ARID2: variants seen among roughly 807,000 people sequenced by gnomAD.
ARID2 encodes the protein AT-rich interaction domain 2.
ARID2 carries 32 observed loss-of-function variants against 184.6 expected under a neutral mutation model. The observed-to-expected ratio is 0.17, with a 90% CI of 0.13 to 0.23. ARID2 has a LOEUF of 0.23. ARID2 is among the 10% of genes least tolerant of loss of function. The probability of loss-of-function intolerance (pLI) is 1.00; values close to 1 mark genes in which losing one functional copy is unlikely to be tolerated. For synonymous variants in ARID2, 836 were observed against 772.6 expected (o/e 1.08, Z -1.36); for missense variants, 1,696 against 2,197.6 (o/e 0.77, Z 4.56).
intron 3 of ARID2, among the ~76,000 whole-genome samples, chr12:45,773,579 T>C (rs1941918461): frequency 6.6e-6 from 1 of 150,990 alleles, no homozygotes; most frequent in Admixed American, 6.6e-5. Context: ...CTTACAGAAA[T>C]AAAAAGGAGT....
intron 3 of ARID2, among the ~76,000 whole-genome samples, chr12:45,769,344 C>T (rs1941827210): frequency 6.6e-6 from 1 of 152,040 alleles, no homozygotes; most frequent in African/African-American, 2.4e-5. Context: ...AATAAAGATA[C>T]AGAATTATTA....
chr12:45,824,259 A>T (rs1436329912), intron 6 of ARID2, among the ~76,000 whole-genome samples: 2 of 152,120 alleles, frequency 1.3e-5, no homozygotes, highest in African/African-American at 4.8e-5. Context: ...GAAAATTTTT[A>T]TCAAGAAGAA....
At chr12:45,750,437 G>A (rs1474835728) in intron 3 of ARID2, among the ~76,000 whole-genome samples, 1 of 152,228 alleles carries the variant, frequency 6.6e-6, no homozygotes, top group African/African-American at 2.4e-5. Context: ...TTACCAAAAT[G>A]TGACACAGAA....
rs1943568867 is a variant in ARID2 at position 45,852,353 on chromosome 12, T to C, written c.4230T>C (p.Asp1410=). 1.2e-6 allele frequency: 2 copies of C among 1,614,044 alleles called. No homozygotes were observed. Among genetic ancestry groups the C allele is most frequent in the Admixed American group, 1.7e-5 (1 of 60,000 alleles). The change falls in exon 15 of 21, where the codon GAT becomes GAC. Residue 1410 remains aspartate (D), a synonymous_variant. Transcript: ENST00000334344. ...CTCAGCAAGATACTGCCAAAGGTGA[T>C]CAACTAGAAAGAATTTCTAATGGAC... ...DITQQDTAKG[D]QLERISNGPV...
chr12:45,770,864 A>G (rs533124136), intron 3 of ARID2, among the ~76,000 whole-genome samples: 6 of 152,190 alleles, frequency 3.9e-5, no homozygotes, highest in African/African-American at 1.4e-4. Context: ...CAGGTTCTCA[A>G]TCCAGTCCAT....
chr12:45,833,071 T>C (rs1280877902), intron 6 of ARID2, among the ~76,000 whole-genome samples: 1 of 152,194 alleles, frequency 6.6e-6, no homozygotes, highest in Non-Finnish European at 1.5e-5. Flanking sequence ...TTGTTTTCTG[T>C]GTACTTAATT....
intron 20 of ARID2, among the ~76,000 whole-genome samples, chr12:45,898,703 G>C (rs1481623944): frequency 6.6e-6 from 1 of 151,890 alleles, no homozygotes; most frequent in African/African-American, 2.4e-5. Flanking sequence ...ATCATCCGAG[G>C]TCAGGAGTTT....
intron 16 of ARID2, among the ~76,000 whole-genome samples, chr12:45,866,301 T>C (rs1943831103): frequency 2.0e-5 from 3 of 152,176 alleles, no homozygotes; most frequent in South Asian, 4.1e-4. Flanking sequence ...TACTCTTGAA[T>C]TATGAGGACA....
rs374889398 is a variant in ARID2, at chr12:45,900,944, G to C, written c.5364-3990G>C. Among the ~76,000 whole-genome samples the C allele has an allele frequency of 4.6e-5, 7 of 151,556 alleles. No individual in the cohort carries two copies. The South Asian group carries it at 6.3e-4, about 14-fold the overall frequency. ...AAACTGTTGTGATCTCTTTATTTCT[G>C]AATATTCTGAGGTTTCTTGATGATG... On this transcript the variant is annotated intron_variant, in intron 20 of 20. Transcript: ENST00000334344.
intron 3 of ARID2, among the ~76,000 whole-genome samples, chr12:45,777,548 A>G (rs1021546507): frequency 6.6e-6 from 1 of 152,150 alleles, no homozygotes; most frequent in African/African-American, 2.4e-5. Flanking sequence ...AGATACTTCA[A>G]CTGGTGACCT....
At chr12:45,842,364 CACACACATATATAAA>C (rs1438339021) in intron 11 of ARID2, 2 of 150,144 alleles carry the variant, frequency 1.3e-5, no homozygotes, top group Admixed American at 6.7e-5. Flanking sequence ...TGTATATATA[CACACACATATATAAA>C]ACACACATAC....
chr12:45,767,881 T>G (rs1163179733), intron 3 of ARID2, among the ~76,000 whole-genome samples: 1 of 152,196 alleles, frequency 6.6e-6, no homozygotes, highest in Non-Finnish European at 1.5e-5. Flanking sequence ...AGCTATACAT[T>G]TAGTTGGGAC....
chr12:45,751,372 A>G (rs1271840511), intron 3 of ARID2, among the ~76,000 whole-genome samples: 1 of 152,208 alleles, frequency 6.6e-6, no homozygotes, highest in African/African-American at 2.4e-5. Context: ...AAAGCAGTGG[A>G]GATGAATAGA....
Position 45,852,867 on chromosome 12 carries a change from C to T in ARID2, c.4744C>T (p.Pro1582Ser), listed in dbSNP as rs2138182017. The T allele has an allele frequency of 6.2e-7, 1 of 1,608,452 alleles. No individual in the cohort carries two copies. The highest frequency in any genetic ancestry group is 8.5e-7 in the Non-Finnish European group (1 of 1,176,814). Residue 1582 changes from proline to serine, a missense_variant, in exon 15 of 21, where the codon CCA becomes TCA. This residue lies in a region of ARID2 where 111 missense variants were observed against 154.0 expected (regional missense o/e 0.72). Coordinates refer to ENST00000334344, the MANE Select transcript of ARID2 (RefSeq NM_152641.4). ...TGTTCAGCAAAAGCAACAGCATCCACCAACATATGTACAGAATGTGGTCCC... is the reference window on the plus strand; with the variant it reads ...TGTTCAGCAAAAGCAACAGCATCCATCAACATATGTACAGAATGTGGTCCC... ...SAVQQKQQHP[P>S]TYVQNVVPQN... is the part of the protein sequence containing the mutation.
At position 45,905,940 on chromosome 12, in the gene ARID2, C is replaced by CTTTTTTTTTTTTCTTTTTTTTT. The variant is rs1362533296; in HGVS notation, c.*873_*874insTCTTTTTTTTTTTTTTTTTTTT. 1 of 166,986 alleles carries CTTTTTTTTTTTTCTTTTTTTTT rather than the reference C, an allele frequency of 6.0e-6. No homozygotes were observed. Among genetic ancestry groups the CTTTTTTTTTTTTCTTTTTTTTT allele is most frequent in the African/African-American group, 2.8e-5 (1 of 35,846 alleles). 10.3% of individuals were successfully genotyped at this position (166,986 alleles called of 1,614,324 possible). ...GAACTGTGATTTTTTTTTCTTTTTT[C>CTTTTTTTTTTTTCTTTTTTTTT]TTTTTTTTTTTCTTTTTTTTTTTGT... On this transcript the variant is annotated 3_prime_UTR_variant, in exon 21 of 21. Transcript: ENST00000334344.
At chr12:45,894,474 A>ATTTT (rs1408702365) in intron 20 of ARID2, among the ~76,000 whole-genome samples, 3 of 152,072 alleles carry the variant, frequency 2.0e-5, no homozygotes, top group Non-Finnish European at 4.4e-5. Context: ...CTACACCACT[A>ATTTT]TTTTACCTTG....
At chr12:45,903,759 C>G (rs1268144102) in intron 20 of ARID2, among the ~76,000 whole-genome samples, 1 of 151,884 alleles carries the variant, frequency 6.6e-6, no homozygotes, top group Non-Finnish European at 1.5e-5. Flanking sequence ...ATGTACGTGT[C>G]TTCATCTTCT....
intron 3 of ARID2, among the ~76,000 whole-genome samples, chr12:45,778,117 G>T (rs1163512609): frequency 6.6e-6 from 1 of 152,088 alleles, no homozygotes; most frequent in Non-Finnish European, 1.5e-5. Context: ...CGGGGCAGTG[G>T]AATCGCTTGA....
At chr12:45,824,403 C>T (rs535200031) in intron 6 of ARID2, among the ~76,000 whole-genome samples, 1 of 152,056 alleles carries the variant, frequency 6.6e-6, no homozygotes, top group South Asian at 2.1e-4. Flanking sequence ...TCTCATTCAA[C>T]ATTGTATTGG....
Sources: gnomAD v4.1 joint callset for allele counts (sites outside exome capture counted in the v4.1 genomes callset) on GRCh38, gnomAD v4.1.1 for gene constraint, gnomAD v4.1.1 regional missense constraint, MANE v1.5 for transcripts, NCBI Gene and HGNC (gene_info 2026-07-23, HGNC 2026-07-21) for gene names.